Variants in HLA-F observed in about 807,000 individuals in gnomAD.
HLA-F encodes the protein HLA class I histocompatibility antigen, alpha chain F.
HLA-F carries 46 observed loss-of-function variants against 49.5 expected under a neutral mutation model. The ratio of observed to expected loss-of-function variants is 0.93; its 90% CI spans 0.73 to 1.19. The LOEUF is 1.19. HLA-F is among the 50% of genes most tolerant of loss of function. The pLI is 0.00. For synonymous variants in HLA-F, 203 were observed against 233.5 expected (o/e 0.87, Z 1.19); for missense variants, 496 against 579.6 (o/e 0.86, Z 1.48).
Position 29,735,723 on chromosome 6 carries a change from T to C in HLA-F, c.404-2399T>C, listed in dbSNP as rs562519561. On this transcript the variant is annotated intron_variant, in intron 3 of 4. Coordinates refer to the HLA-F transcript ENST00000465459. ...AATGTTTTTCATCAAATTTGGAAGGTTTGGAGTTATTCTTTAAATAGTCAT... is the reference window on the plus strand; with the variant it reads ...AATGTTTTTCATCAAATTTGGAAGGCTTGGAGTTATTCTTTAAATAGTCAT... The C allele has an allele frequency of 2.0e-5, 3 of 152,320 alleles. No homozygotes were observed. In the South Asian group the frequency reaches 6.2e-4, roughly 32 times the overall value. 9.4% of individuals were successfully genotyped at this position (152,320 alleles called of 1,614,324 possible).
At chr6:29,724,080 C>T (rs2072895) in intron 2 of HLA-F, 93 bp from the exon 3 acceptor site, 1 of 1,562,822 alleles carries the variant, frequency 6.4e-7, no homozygotes, top group South Asian at 1.2e-5. Context: ...CGCCTTTACC[C>T]AGGTTCATTT....
At chr6:29,729,831 GAAC>G (rs1399095239), downstream of HLA-F, among the ~76,000 whole-genome samples, 1 of 152,170 alleles carries the variant, frequency 6.6e-6, no homozygotes, top group African/African-American at 2.4e-5. Flanking sequence ...AAAAATGAGT[GAAC>G]AACATGAATA....
intron 4 of HLA-F, chr6:29,738,226 C>T (rs1205085313): frequency 6.6e-6 from 1 of 152,258 alleles, no homozygotes; most frequent in Non-Finnish European, 1.5e-5. Context: ...GCAGAGACCA[C>T]TAGGAGGCAC....
At position 29,727,084 on chromosome 6, in the gene HLA-F, G is replaced by A. The variant is rs766518094; in HGVS notation, c.1238G>A (p.Arg413His). 2.8e-5 allele frequency: 45 copies of A among 1,612,942 alleles called. No individual in the cohort carries two copies. The highest frequency in any genetic ancestry group is 3.3e-5 in the Non-Finnish European group (39 of 1,180,018). The change falls in exon 7 of 7, where the codon CGC becomes CAC. Residue 413 changes from arginine (R) to histidine (H), a missense_variant. Arg to His is a conservative substitution (Grantham distance 29). Coordinates refer to ENST00000259951, the MANE Select transcript of HLA-F (RefSeq NM_001098479.2). ...NTAFLALQSL[R>H]FGFGFRRGRS... is the part of the protein sequence containing the mutation. ...GCCTTCTTGGCCTTGCAAAGCCTTC[G>A]CTTTGGCTTCGGCTTTAGGAGGGGC...
At chr6:29,727,700 A>G (rs567908026), downstream of HLA-F, among the ~76,000 whole-genome samples, 5 of 152,210 alleles carry the variant, frequency 3.3e-5, no homozygotes, top group African/African-American at 1.2e-4. Flanking sequence ...CTGACCCCAT[A>G]CAGCCAAATT....
chr6:29,723,997 A>C (rs2076178), intron 2 of HLA-F, 70 bp downstream of exon 2: 357,210 of 1,553,872 alleles, frequency 0.23, 42,860 homozygotes, highest in East Asian at 0.33. Flanking sequence ...CGGGTCCCTC[A>C]GAGTCTCCGG....
downstream of HLA-F, among the ~76,000 whole-genome samples, chr6:29,731,954 TGAGTA>T (rs1776663157): frequency 6.6e-6 from 1 of 152,198 alleles, no homozygotes; most frequent in Non-Finnish European, 1.5e-5. Flanking sequence ...ATTTATCACT[TGAGTA>T]GTCTATGAAT....
intron 3 of HLA-F, among the ~76,000 whole-genome samples, chr6:29,737,074 A>G (rs1777162655): frequency 6.6e-6 from 1 of 152,184 alleles, no homozygotes; most frequent in African/African-American, 2.4e-5. Flanking sequence ...AAGAAATGAA[A>G]GACTGAGACT....
At chr6:29,728,371 A>G, downstream of HLA-F, 1 of 314,096 alleles carries the variant, frequency 3.2e-6, no homozygotes, top group South Asian at 2.7e-5. Context: ...CCACCTTCCC[A>G]TGAGACTGCA....
In HLA-F at chr6:29,723,940, G is replaced by C. The variant is rs752186602; in HGVS notation, c.334+13G>C. On this transcript the variant is annotated intron_variant, in intron 2 of 6. Transcript: ENST00000259951. ...CAGAGCGAGGCTGGTGAGTGAACCC[G>C]GCCGGGGGCGCAGGTCACGACCACC... 2 of 1,584,290 alleles carry C rather than the reference G, an allele frequency of 1.3e-6. No individual in the cohort carries two copies. The highest frequency in any genetic ancestry group is 1.7e-4 in the Middle Eastern group (1 of 6,004).
rs778428087 is a variant in HLA-F, at chr6:29,723,717, C to A, written c.124C>A (p.Arg42Ser). ...AVSRPGRGEPRYIAVEYVDDT... is the reference protein window; with the variant it reads ...AVSRPGRGEPSYIAVEYVDDT... ...GTCGCGGCCCGGCCGCGGGGAGCCC[C>A]GCTACATCGCCGTGGAGTACGTAGA... is the stretch of plus-strand genomic sequence containing the variant. The change falls in exon 2 of 7, where the codon CGC becomes AGC. Residue 42 changes from arginine to serine, a missense_variant. Physicochemically the swap from Arg to Ser is moderately radical, Grantham distance 110. Coordinates refer to ENST00000259951, the MANE Select transcript of HLA-F (RefSeq NM_001098479.2). The A allele has an allele frequency of 6.2e-7, 1 of 1,611,920 alleles. No individual in the cohort carries two copies. Among genetic ancestry groups the A allele is most frequent in the Admixed American group, 1.7e-5 (1 of 59,994 alleles).
At chr6:29,733,120 C>A (rs1186302854) in intron 3 of HLA-F, among the ~76,000 whole-genome samples, 1 of 151,968 alleles carries the variant, frequency 6.6e-6, no homozygotes, top group African/African-American at 2.4e-5. Context: ...ACCCGAGAGG[C>A]GGAGGTTGCA....
At position 29,725,446 on chromosome 6, in the gene HLA-F, G is replaced by A. The variant is rs1775935918; in HGVS notation, c.887-1G>A. 1 of 1,613,710 alleles carries A rather than the reference G, an allele frequency of 6.2e-7. No homozygotes were observed. The highest frequency in any genetic ancestry group is 2.2e-5 in the East Asian group (1 of 44,872). On this transcript the variant is annotated splice_acceptor_variant, in intron 4 of 6. Coordinates refer to ENST00000259951, the MANE Select transcript of HLA-F (RefSeq NM_001098479.2). LOFTEE classifies it high-confidence loss of function. ...CCCCTCACCTTCCCTTCCTTTCCCA[G>A]AGCAGTCTCCCCAGCCCACCATCCC...
In HLA-F at chr6:29,735,151, G is replaced by A. The variant is rs377274747; in HGVS notation, c.404-2971G>A. On this transcript the variant is annotated intron_variant, in intron 3 of 4. Coordinates refer to the HLA-F transcript ENST00000465459. ...ATACATGTTACTACTAGCTTTTATA[G>A]GACTACTATATATAGTACTATATAT... 2.6e-4 allele frequency: 38 copies of A among 146,628 alleles called. No homozygotes were observed. In the East Asian group the frequency reaches 5.8e-3, roughly 22 times the overall value. The allele number at this position is 146,628 out of a possible 1,614,324, so 9.1% of individuals were successfully genotyped here.
chr6:29,735,525 G>A (rs1777004851), intron 3 of HLA-F: 1 of 151,564 alleles, frequency 6.6e-6, no homozygotes, highest in Non-Finnish European at 1.5e-5. Context: ...AAACTGGGCT[G>A]CAATCTTATT....
chr6:29,728,145 C>T (rs753432896), downstream of HLA-F: 3 of 507,078 alleles, frequency 5.9e-6, no homozygotes, highest in South Asian at 4.3e-5. Context: ...CAAGTCAGCC[C>T]AATCACCCAC....
At chr6:29,727,330 T>C, downstream of HLA-F, 1 of 529,464 alleles carries the variant, frequency 1.9e-6, no homozygotes. Context: ...TATCTCCACT[T>C]CTTTCAGTAC....
Position 29,725,279 on chromosome 6 carries a change from C to A in HLA-F, c.859C>A (p.Leu287Met). ...CACATGCCATGTGCAGCACGAGGGG[C>A]TGCCCCAGCCCCTCATCCTGAGATG... is the stretch of plus-strand genomic sequence containing the variant. ...RYTCHVQHEGLPQPLILRWEQ... is the reference protein window; with the variant it reads ...RYTCHVQHEGMPQPLILRWEQ... Residue 287 changes from leucine to methionine, a missense_variant, in exon 4 of 7, where the codon CTG becomes ATG. Leu to Met is a conservative substitution (Grantham distance 15). Transcript: ENST00000259951. 1 of 1,614,174 alleles carries A rather than the reference C, an allele frequency of 6.2e-7. No homozygotes were observed. The highest frequency in any genetic ancestry group is 8.5e-7 in the Non-Finnish European group (1 of 1,180,022).
downstream of HLA-F, among the ~76,000 whole-genome samples, chr6:29,731,218 A>T (rs1776549817): frequency 7.2e-6 from 1 of 139,300 alleles, no homozygotes. Context: ...AAGACCCAAT[A>T]GAGTAGATGG....
Sources: allele counts gnomAD v4.1 joint callset (sites outside exome capture counted in the v4.1 genomes callset), GRCh38; gene constraint gnomAD v4.1.1; transcripts MANE v1.5; gene names NCBI Gene and HGNC (gene_info 2026-07-23, HGNC 2026-07-21).